IYD: variants seen among roughly 807,000 people sequenced by gnomAD.
IYD encodes iodotyrosine deiodinase, also known as iodotyrosine deiodinase 1.
In IYD, 25 loss-of-function variants were observed where a neutral mutation model predicts 28.4. The ratio of observed to expected loss-of-function variants is 0.88; its 90% CI spans 0.64 to 1.23. The LOEUF (loss-of-function observed/expected upper bound fraction) is 1.23. IYD is among the 50% of genes most tolerant of loss of function. IYD has a pLI of 0.00. For synonymous variants in IYD, 140 were observed against 130.8 expected (o/e 1.07, Z -0.48); for missense variants, 352 against 357.9 (o/e 0.98, Z 0.13).
chr6:150,376,074 C>T (rs536398249), intron 1 of IYD, among the ~76,000 whole-genome samples: 5 of 152,260 alleles, frequency 3.3e-5, no homozygotes, highest in South Asian at 4.1e-4. Context: ...GCACAATTAA[C>T]GGATTCCTTG....
chr6:150,384,918 C>T (rs1562315569), intron 1 of IYD: 2 of 152,266 alleles, frequency 1.3e-5, no homozygotes, highest in East Asian at 3.9e-4. Flanking sequence ...CATCATCCTT[C>T]TTATCTTCTG....
At chr6:150,397,536 C>T (rs1778364838) in intron 4 of IYD, among the ~76,000 whole-genome samples, 1 of 149,604 alleles carries the variant, frequency 6.7e-6, no homozygotes, top group South Asian at 2.1e-4. Context: ...TGCCACTGCA[C>T]TCCAGCCTGG....
At chr6:150,391,520 G>A (rs1778116953) in intron 2 of IYD, among the ~76,000 whole-genome samples, 1 of 152,064 alleles carries the variant, frequency 6.6e-6, no homozygotes, top group African/African-American at 2.4e-5. Context: ...CAGTTACTTG[G>A]GGACATTTTC....
intron 1 of IYD, among the ~76,000 whole-genome samples, chr6:150,387,222 C>T (rs1777898121): frequency 6.6e-6 from 1 of 151,846 alleles, no homozygotes; most frequent in African/African-American, 2.4e-5. Flanking sequence ...AGTTTGGCAC[C>T]TTCTTTATAA....
Position 150,403,258 on chromosome 6 carries a change from A to G in IYD, c.*5021A>G, listed in dbSNP as rs1778559529. On this transcript the variant is annotated 3_prime_UTR_variant, in exon 5 of 5. Coordinates refer to ENST00000344419, the MANE Select transcript of IYD (RefSeq NM_203395.3). ...ATGAGAAATATAATTTTATTTTGCT[A>G]GGTATCAGCAGAGTGCCCTCTTATA... The G allele has an allele frequency of 6.6e-6, 1 of 152,254 alleles. No homozygotes were observed. The highest frequency in any genetic ancestry group is 6.5e-5 in the Admixed American group (1 of 15,286). The allele number at this position is 152,254 out of a possible 1,614,324, so 9.4% of individuals were successfully genotyped here.
intron 4 of IYD, 30 bp downstream of exon 4, chr6:150,394,285 G>A (rs1379387942): frequency 1.2e-6 from 2 of 1,612,966 alleles, no homozygotes; most frequent in Non-Finnish European, 1.7e-6. Context: ...GTTACAGGGT[G>A]GCCTTATTAG....
At chr6:150,395,585 G>A (rs1222539593) in intron 4 of IYD, 4 of 1,533,722 alleles carry the variant, frequency 2.6e-6, no homozygotes, top group South Asian at 2.4e-5. Flanking sequence ...GCAGCAGGCA[G>A]TCTTTTTCAC....
intron 1 of IYD, among the ~76,000 whole-genome samples, chr6:150,387,574 A>G (rs1167993676): frequency 5.9e-5 from 9 of 152,076 alleles, no homozygotes; most frequent in Non-Finnish European, 1.3e-4. Flanking sequence ...TCAAATGTAT[A>G]TTAGACATTC....
At chr6:150,394,319 T>A in intron 4 of IYD, 64 bp downstream of exon 4, 1 of 1,581,922 alleles carries the variant, frequency 6.3e-7, no homozygotes, top group Non-Finnish European at 8.7e-7. Flanking sequence ...AGTTTTCAAT[T>A]CAGGGACATT....
intron 2 of IYD, among the ~76,000 whole-genome samples, chr6:150,390,766 G>C (rs117710824): frequency 0.011 from 1,711 of 152,280 alleles, 9 homozygotes; most frequent in Non-Finnish European, 0.018. Context: ...CAGATCAGAA[G>C]CTGGCCCCTA....
rs540521502 is a variant in IYD at position 150,385,577 on chromosome 6, T to C, written c.179-3775T>C. 9.8e-3 allele frequency among the ~76,000 whole-genome samples: 1,476 copies of C among 151,286 alleles called. 19 individuals are homozygous for C. The highest frequency in any genetic ancestry group is 0.03 in the African/African-American group (1,241 of 41,306). ...AACTTGGCCAAGATGTATTTTTTTT[T>C]ATAAATTGCTGAATTCTGTTATTAA... On this transcript the variant is annotated intron_variant, in intron 1 of 4. Coordinates refer to ENST00000344419, the MANE Select transcript of IYD (RefSeq NM_203395.3).
intron 1 of IYD, among the ~76,000 whole-genome samples, chr6:150,381,445 T>G (rs935714187): frequency 2.6e-5 from 4 of 152,168 alleles, no homozygotes; most frequent in Non-Finnish European, 4.4e-5. Flanking sequence ...ATGGCCTTCT[T>G]CTCATTGAAA....
chr6:150,398,009 AT>A (rs1778386081), intron 4 of IYD, 45 bp from the exon 5 acceptor site: 1 of 1,582,242 alleles, frequency 6.3e-7, no homozygotes, highest in African/African-American at 1.3e-5. Flanking sequence ...GAGAGCAGTC[AT>A]TCTGCCTGCT....
intron 1 of IYD, among the ~76,000 whole-genome samples, chr6:150,369,410 C>G (rs999852084): frequency 3.9e-5 from 6 of 152,138 alleles, no homozygotes; most frequent in African/African-American, 1.4e-4. Context: ...TGGGACCAAC[C>G]CTTTTTTATT....
At chr6:150,369,950 G>A in intron 1 of IYD, 1 of 702,170 alleles carries the variant, frequency 1.4e-6, no homozygotes, top group Non-Finnish European at 2.6e-6. Context: ...AAGAATGGAA[G>A]TAGAGAATTG....
intron 1 of IYD, among the ~76,000 whole-genome samples, chr6:150,372,746 ACATG>A (rs1777313036): frequency 1.9e-5 from 1 of 52,976 alleles, no homozygotes; most frequent in Non-Finnish European, 3.1e-5. Flanking sequence ...TGCTTGTTAT[ACATG>A]TGTATGTGTG....
intron 2 of IYD, among the ~76,000 whole-genome samples, chr6:150,389,933 T>A (rs1778047987): frequency 6.6e-6 from 1 of 152,204 alleles, no homozygotes; most frequent in South Asian, 2.1e-4. Flanking sequence ...ATTTGTTTTT[T>A]TTGGAAGCAA....
Position 150,398,366 on chromosome 6 carries a change from T to TCACTATA in IYD, c.*129_*130insCACTATA. On this transcript the variant is annotated 3_prime_UTR_variant, in exon 5 of 5. Transcript: ENST00000344419. ...AGGTCCCCTCATTGCTCTTCTCAGG[T>TCACTATA]GGCCACACTATGTCAAGAAGCCTCT... 1 of 824,334 alleles carries TCACTATA rather than the reference T, an allele frequency of 1.2e-6. No homozygotes were observed. The highest frequency in any genetic ancestry group is 2.0e-6 in the Non-Finnish European group (1 of 503,416). 51.1% of individuals were successfully genotyped at this position (824,334 alleles called of 1,614,324 possible). A position where few individuals can be genotyped will look rare whatever the true frequency, so the allele number is the denominator to read the frequency against.
At chr6:150,395,013 G>A (rs920776667) in intron 4 of IYD, among the ~76,000 whole-genome samples, 3 of 152,110 alleles carry the variant, frequency 2.0e-5, no homozygotes, top group African/African-American at 7.2e-5. Flanking sequence ...TGTATAGATG[G>A]AGTTTTGCCA....
Sources: allele counts gnomAD v4.1 joint callset (sites outside exome capture counted in the v4.1 genomes callset), GRCh38; gene constraint gnomAD v4.1.1; transcripts MANE v1.5; gene names NCBI Gene and HGNC (gene_info 2026-07-23, HGNC 2026-07-21).